SOX6: variants seen among roughly 807,000 people sequenced by gnomAD.
The protein encoded by SOX6 is SRY-box transcription factor 6, also known as transcription factor SOX-6.
In SOX6, 11 loss-of-function variants were observed where a neutral mutation model predicts 97.8. That is an observed-to-expected ratio of 0.11 (90% confidence interval 0.07 to 0.19). SOX6 has a LOEUF of 0.19. Among genes scored for constraint, SOX6 ranks in the 10% least tolerant of loss-of-function variants. SOX6 has a pLI of 1.00. For synonymous variants in SOX6, 360 were observed against 371.4 expected, an observed-to-expected ratio of 0.97 and a Z score of 0.35; for missense variants, 810 against 1,039.5, an observed-to-expected ratio of 0.78 and a Z score of 3.04.
At chr11:16,240,173 T>C (rs1644977992) in intron 3 of SOX6, among the ~76,000 whole-genome samples, 1 of 152,028 alleles carries the variant, frequency 6.6e-6, no homozygotes, top group Admixed American at 6.6e-5. Context: ...ATTTAGTTCC[T>C]GTGAAATTCT....
chr11:16,083,958 T>C (rs1481566229), intron 9 of SOX6, among the ~76,000 whole-genome samples: 1 of 152,166 alleles, frequency 6.6e-6, no homozygotes, highest in African/African-American at 2.4e-5. Flanking sequence ...GTCTATGGAA[T>C]TGTACAATCT....
Position 16,565,738 on chromosome 11 carries a change from A to T in SOX6, n.609+46343T>A, listed in dbSNP as rs1347364840. On this transcript the variant is annotated intron_variant and non_coding_transcript_variant, in intron 4 of 5. Coordinates refer to the SOX6 transcript ENST00000524520. ...TAAATAAATAAAAAAAAAAAAAAAA[A>T]AAAAAAAAAAAAAAAAAAAACTCGT... Among the ~76,000 whole-genome samples, 20 of 13,898 alleles carry T rather than the reference A, an allele frequency of 1.4e-3. 4 individuals carry two copies. Among genetic ancestry groups the T allele is most frequent in the African/African-American group, 4.5e-3 (20 of 4,424 alleles). The allele number at this position is 13,898 out of a possible 152,430, so 9.1% of individuals were successfully genotyped here. A position where few individuals can be genotyped will look rare whatever the true frequency, so the allele number is the denominator to read the frequency against.
chr11:16,426,892 C>T (rs1326786996), intron 1 of SOX6, among the ~76,000 whole-genome samples: 7 of 110,304 alleles, frequency 6.3e-5, no homozygotes, highest in Admixed American at 5.5e-4. Context: ...CCAGCCTGGG[C>T]GACAGAGCGA....
At chr11:16,195,598 C>T (rs2134118887) in intron 4 of SOX6, among the ~76,000 whole-genome samples, 1 of 152,278 alleles carries the variant, frequency 6.6e-6, no homozygotes, top group East Asian at 1.9e-4. Flanking sequence ...GAAAACAGAT[C>T]TTGACATTAA....
intron 6 of SOX6, among the ~76,000 whole-genome samples, chr11:16,167,721 T>C (rs1850923959): frequency 6.6e-6 from 1 of 152,194 alleles, no homozygotes; most frequent in South Asian, 2.1e-4. Flanking sequence ...TATGACTTGC[T>C]TCTTCCATTC....
At chr11:16,491,944 T>C (rs1230192286) in intron 4 of SOX6, among the ~76,000 whole-genome samples, 1 of 152,092 alleles carries the variant, frequency 6.6e-6, no homozygotes, top group African/African-American at 2.4e-5. Flanking sequence ...CTTCAAAGGT[T>C]CCATGAACAC....
intron 13 of SOX6, among the ~76,000 whole-genome samples, chr11:16,003,174 C>T (rs1854451290): frequency 6.6e-6 from 1 of 152,100 alleles, no homozygotes; most frequent in South Asian, 2.1e-4. Context: ...TGACCTGGCC[C>T]TCCAACTATG....
At chr11:16,709,551 T>C (rs1431646463) in intron 3 of SOX6, among the ~76,000 whole-genome samples, 6 of 152,050 alleles carry the variant, frequency 3.9e-5, no homozygotes, top group Admixed American at 3.9e-4. Flanking sequence ...CCTGCCCTCT[T>C]CTCACCATGT....
In SOX6 at chr11:15,970,487, A is replaced by C. The variant is rs1282725545; in HGVS notation, c.*2322T>G. On this transcript the variant is annotated 3_prime_UTR_variant, in exon 16 of 16. Coordinates refer to ENST00000683767, the MANE Select transcript of SOX6 (RefSeq NM_001367873.1). The stretch of plus-strand genomic sequence containing the variant: ...AAAAGCAAAAGCCAAAGAGAAAGAA[A>C]AAAAACAAGAGTGAACTGAGGAGGA... 6.6e-6 allele frequency: 1 copy of C among 152,640 alleles called. No individual in the cohort carries two copies. The highest frequency in any genetic ancestry group is 2.4e-5 in the African/African-American group (1 of 41,454). 9.5% of individuals were successfully genotyped at this position (152,640 alleles called of 1,614,324 possible).
intron 1 of SOX6, among the ~76,000 whole-genome samples, chr11:16,447,133 C>A (rs1322604626): frequency 1.3e-5 from 2 of 151,744 alleles, no homozygotes; most frequent in Non-Finnish European, 2.9e-5. Flanking sequence ...AAATATGCAA[C>A]AATCATCATT....
chr11:16,662,298 G>T (rs1229280505), intron 3 of SOX6, among the ~76,000 whole-genome samples: 1 of 151,996 alleles, frequency 6.6e-6, no homozygotes, highest in Non-Finnish European at 1.5e-5. Context: ...ATTCTAAGTT[G>T]GTAGAGTTTT....
At chr11:16,106,507 T>A (rs1283421344) in intron 7 of SOX6, among the ~76,000 whole-genome samples, 3 of 151,966 alleles carry the variant, frequency 2.0e-5, no homozygotes, top group African/African-American at 7.2e-5. Flanking sequence ...TATCAACAAA[T>A]GTTGTGGGGA....
chr11:16,071,887 C>T (rs1848233021), intron 9 of SOX6, among the ~76,000 whole-genome samples: 1 of 151,424 alleles, frequency 6.6e-6, no homozygotes, highest in Admixed American at 6.6e-5. Flanking sequence ...CATAATCCAA[C>T]CCCCAAGGGC....
intron 3 of SOX6, among the ~76,000 whole-genome samples, chr11:16,616,075 C>T (rs938998731): frequency 6.6e-6 from 1 of 152,090 alleles, no homozygotes; most frequent in Non-Finnish European, 1.5e-5. Flanking sequence ...TTAAAGCTTG[C>T]GCATTCCTTC....
intron 6 of SOX6, among the ~76,000 whole-genome samples, chr11:16,174,827 G>T (rs1335105650): frequency 6.6e-6 from 1 of 151,932 alleles, no homozygotes; most frequent in Non-Finnish European, 1.5e-5. Context: ...AATTGGAAAG[G>T]TTCATTTACC....
chr11:16,169,142 G>A (rs1459507021), intron 6 of SOX6, among the ~76,000 whole-genome samples: 1 of 151,968 alleles, frequency 6.6e-6, no homozygotes, highest in African/African-American at 2.4e-5. Context: ...TTTTATTTCA[G>A]ATCCATTTTT....
intron 3 of SOX6, among the ~76,000 whole-genome samples, chr11:16,681,279 C>G (rs1034096328): frequency 6.6e-6 from 1 of 152,186 alleles, no homozygotes; most frequent in African/African-American, 2.4e-5. Flanking sequence ...ACAGTGCAAT[C>G]AAATGAGAAC....
rs7942602 is a variant in SOX6, at chr11:16,586,457, C to G, written n.609+25624G>C. The stretch of plus-strand genomic sequence containing the variant: ...ACCATCAGTGACCTTCAAGGACTTA[C>G]TTAGGCAACACAGTACTCTCCCTTA... On this transcript the variant is annotated intron_variant and non_coding_transcript_variant, in intron 4 of 5. Coordinates refer to the SOX6 transcript ENST00000524520. Among the ~76,000 whole-genome samples, 535 of 152,266 alleles carry G rather than the reference C, an allele frequency of 3.5e-3. 3 individuals are homozygous for G. Among genetic ancestry groups the G allele is most frequent in the African/African-American group, 0.012 (503 of 41,558 alleles).
intron 4 of SOX6, among the ~76,000 whole-genome samples, chr11:16,233,180 C>T (rs543517081): frequency 1.3e-5 from 2 of 152,052 alleles, no homozygotes; most frequent in South Asian, 2.1e-4. Context: ...GGAAGATTCA[C>T]CTAAAGTTGT....
Sources: gnomAD v4.1 joint callset for allele counts (sites outside exome capture counted in the v4.1 genomes callset) on GRCh38, gnomAD v4.1.1 for gene constraint, MANE v1.5 for transcripts, NCBI Gene and HGNC (gene_info 2026-07-23, HGNC 2026-07-21) for gene names.